The following KDM5B variants were observed in gnomAD, a reference collection of about 807,000 sequenced individuals.
KDM5B encodes the protein lysine-specific demethylase 5B.
In KDM5B, 144 loss-of-function variants were observed where a neutral mutation model predicts 193.4. The ratio of observed to expected loss-of-function variants is 0.74; its 90% confidence interval spans 0.65 to 0.86. KDM5B has a LOEUF of 0.86. Among genes scored for constraint, KDM5B ranks in the 40% least tolerant of loss-of-function variants. KDM5B has a pLI of 0.00. For missense variants in KDM5B, 1,833 were observed against 1,886.9 expected, an observed-to-expected ratio of 0.97 and a Z score of 0.53; for synonymous variants, 668 against 682.6, an observed-to-expected ratio of 0.98 and a Z score of 0.33.
At chr1:202,806,390 G>A (rs1279110959) in intron 1 of KDM5B, 1 of 152,172 alleles carries the variant, frequency 6.6e-6, no homozygotes, top group Non-Finnish European at 1.5e-5. Flanking sequence ...CATTACTACA[G>A]TGTGAAACAT....
chr1:202,799,343 G>C (rs1438336664), intron 1 of KDM5B, among the ~76,000 whole-genome samples: 1 of 152,090 alleles, frequency 6.6e-6, no homozygotes, highest in Non-Finnish European at 1.5e-5. Context: ...TTACATAATA[G>C]AGGAACTGGC....
In KDM5B at chr1:202,760,472, G is replaced by A. The variant is rs1267193565; in HGVS notation, c.1020C>T (p.Ile340=). Residue 340 remains isoleucine, a synonymous_variant, in exon 8 of 27, where the codon ATC becomes ATT. Coordinates refer to ENST00000367265, the MANE Select transcript of KDM5B (RefSeq NM_006618.5). ...CDDSYHTFCL[I]PPLHDVPKGD... is the part of the protein sequence containing the mutation. Reference sequence around the variant, plus strand: ...CCTTGGGAACATCATGGAGAGGTGGGATCAAGCAAAAGGTATGGTAACTGT... The same window carrying A: ...CCTTGGGAACATCATGGAGAGGTGGAATCAAGCAAAAGGTATGGTAACTGT... 23 of 1,613,594 alleles carry A rather than the reference G, an allele frequency of 1.4e-5. No individual in the cohort carries two copies. Among genetic ancestry groups the A allele is most frequent in the Non-Finnish European group, 1.9e-5 (23 of 1,179,806 alleles).
intron 23 of KDM5B, 118 bp from the exon 24 acceptor site, chr1:202,732,057 A>AG (rs772073802): frequency 2.1e-4 from 132 of 636,790 alleles, no homozygotes; most frequent in African/African-American, 6.3e-4. Context: ...AAAAAAAAAA[A>AG]CAACTTGATT....
At chr1:202,739,803 A>C (rs1655236916) in intron 20 of KDM5B, among the ~76,000 whole-genome samples, 1 of 152,228 alleles carries the variant, frequency 6.6e-6, no homozygotes, top group South Asian at 2.1e-4. Flanking sequence ...AAGGTCACCG[A>C]TCAACAGGAT....
In KDM5B at chr1:202,726,636, A is replaced by T. The variant is rs1189843327; in HGVS notation, c.*2400T>A. On this transcript the variant is annotated 3_prime_UTR_variant, in exon 27 of 27. Coordinates refer to ENST00000367265, the MANE Select transcript of KDM5B (RefSeq NM_006618.5). ...GATGGAAACTGAAGTGTCAGTTTCC[A>T]TGTGCATTTTATCATTTTCCCCTAC... 1 of 152,160 alleles carries T rather than the reference A, an allele frequency of 6.6e-6. No individual in the cohort carries two copies. The highest frequency in any genetic ancestry group is 6.6e-5 in the Admixed American group (1 of 15,266). 9.4% of individuals were successfully genotyped at this position (152,160 alleles called of 1,614,324 possible).
At chr1:202,743,361 A>C (rs1231501327) in intron 16 of KDM5B, among the ~76,000 whole-genome samples, 4 of 115,342 alleles carry the variant, frequency 3.5e-5, no homozygotes, top group South Asian at 2.9e-4. Context: ...AAAAAAAAAA[A>C]AAACACCTGG....
At chr1:202,761,326 T>A (rs1312366968) in intron 7 of KDM5B, among the ~76,000 whole-genome samples, 1 of 151,978 alleles carries the variant, frequency 6.6e-6, no homozygotes, top group East Asian at 1.9e-4. Context: ...ACACCTGTGG[T>A]CCCAGCTACT....
chr1:202,779,840 T>TAAAAA (rs1461651907), intron 1 of KDM5B, among the ~76,000 whole-genome samples: 2 of 123,642 alleles, frequency 1.6e-5, no homozygotes, highest in African/African-American at 5.3e-5. Flanking sequence ...AATAAATAAA[T>TAAAAA]AAATAAAAAA....
In KDM5B at chr1:202,733,804, G is replaced by A. The variant is rs148462296; in HGVS notation, c.3506C>T (p.Ser1169Leu). The A allele has an allele frequency of 1.8e-5, 29 of 1,613,956 alleles. No homozygotes were observed. In the Admixed American group the frequency reaches 2.0e-4, roughly 11 times the overall value. Residue 1169 changes from serine (S) to leucine (L), a missense_variant, in exon 23 of 27, where the codon TCG (serine) becomes TTG (leucine). Physicochemically the swap from Ser to Leu is moderately radical, Grantham distance 145 (BLOSUM62 -2). Coordinates refer to ENST00000367265, the MANE Select transcript of KDM5B (RefSeq NM_006618.5). ...LRLANEGKLL[S>L]PLQDVDIKIC... ...TTTTATATCCACATCTTGGAGAGGC[G>A]ACAGCAATTTCCCTTCATTGGCGAG...
At chr1:202,795,355 G>A (rs544005898) in intron 1 of KDM5B, among the ~76,000 whole-genome samples, 2 of 151,886 alleles carry the variant, frequency 1.3e-5, no homozygotes, top group African/African-American at 2.4e-5. Context: ...CTGCAGATAA[G>A]AGGAGACTAC....
At chr1:202,773,093 G>A in intron 4 of KDM5B, 25 bp downstream of exon 4, 1 of 1,530,500 alleles carries the variant, frequency 6.5e-7, no homozygotes, top group Non-Finnish European at 9.0e-7. Context: ...AGATAAAACA[G>A]GTTAAGGCTA....
At position 202,731,864 on chromosome 1, in the gene KDM5B, G is replaced by A. The variant is rs1202225242; in HGVS notation, c.3985C>T (p.Pro1329Ser). The A allele has an allele frequency of 6.2e-7, 1 of 1,613,496 alleles. No homozygotes were observed. The change falls in exon 24 of 27, where the codon CCC becomes TCC. Residue 1329 changes from proline to serine, a missense_variant. Pro to Ser is a moderately conservative substitution (Grantham distance 74, BLOSUM62 -1). Coordinates refer to ENST00000367265, the MANE Select transcript of KDM5B (RefSeq NM_006618.5). The stretch of plus-strand genomic sequence containing the variant: ...ATACAACTTCGTCCAGTTGAGAAGG[G>A]GGAGTGCAAATATGAGGTTCTGTTG... ...WDNRTSYLHS[P>S]FSTGRSCIPL...
At chr1:202,747,533 A>G (rs1381441422) in intron 14 of KDM5B, among the ~76,000 whole-genome samples, 2 of 151,476 alleles carry the variant, frequency 1.3e-5, no homozygotes, top group East Asian at 3.9e-4. Context: ...CAGAGAGCCA[A>G]TATTCCAGGA....
intron 1 of KDM5B, among the ~76,000 whole-genome samples, chr1:202,807,860 ACCCGGCCCT>A (rs901343867): frequency 1.4e-4 from 21 of 151,332 alleles, no homozygotes; most frequent in African/African-American, 5.1e-4. Flanking sequence ...CCCCGCGGCG[ACCCGGCCCT>A]CCCATGGCAC....
chr1:202,731,017 G>A lies in KDM5B; in HGVS notation c.4068C>T (p.Leu1356=), dbSNP rs1378441798. The A allele has an allele frequency of 6.2e-7, 1 of 1,613,686 alleles. No individual in the cohort carries two copies. Among genetic ancestry groups the A allele is most frequent in the African/African-American group, 1.3e-5 (1 of 75,012 alleles). Residue 1356 remains leucine (L), a synonymous_variant, in exon 25 of 27, where the codon CTC becomes CTT. Transcript: ENST00000367265. ...VNELLMEAQL[L]QVSLPEIQEL... is the part of the protein sequence containing the mutation. ...CCTGAATTTCAGGAAGGGATACCTGGAGCAGCTGGGCTTCCATCAATAGTT... is the reference window on the plus strand; with the variant it reads ...CCTGAATTTCAGGAAGGGATACCTGAAGCAGCTGGGCTTCCATCAATAGTT...
chr1:202,749,554 C>T (rs1049029569), intron 13 of KDM5B, among the ~76,000 whole-genome samples: 2 of 151,530 alleles, frequency 1.3e-5, no homozygotes, highest in East Asian at 1.9e-4. Context: ...GAGACTGTCT[C>T]GAAAAAATTT....
At position 202,795,847 on chromosome 1, in the gene KDM5B, A is replaced by G. The variant is rs535114712; in HGVS notation, c.204+12255T>C. Reference sequence around the variant, plus strand: ...TGGTAAATAATAAAATATAGGGAGTAAAATACAGGGAGTCAGTCTTGGTGC... The same window carrying G: ...TGGTAAATAATAAAATATAGGGAGTGAAATACAGGGAGTCAGTCTTGGTGC... On this transcript the variant is annotated intron_variant, in intron 1 of 26. Transcript: ENST00000367265. 4.6e-5 allele frequency among the ~76,000 whole-genome samples: 7 copies of G among 152,238 alleles called. No individual in the cohort carries two copies. The South Asian group carries it at 6.2e-4, about 14-fold the overall frequency.
intron 5 of KDM5B, among the ~76,000 whole-genome samples, chr1:202,765,636 T>A (rs1002394469): frequency 6.6e-6 from 1 of 152,256 alleles, no homozygotes; most frequent in Non-Finnish European, 1.5e-5. Context: ...TATTTTCCTA[T>A]TCTGGGCAGT....
intron 16 of KDM5B, 30 bp downstream of exon 16, chr1:202,745,828 A>G: frequency 6.2e-7 from 1 of 1,613,132 alleles, no homozygotes; most frequent in Non-Finnish European, 8.5e-7. Context: ...CCAATTTGCC[A>G]ATCACCAAGT....
Sources: allele counts gnomAD v4.1 joint callset (sites outside exome capture counted in the v4.1 genomes callset), GRCh38; gene constraint gnomAD v4.1.1; transcripts MANE v1.5; gene names NCBI Gene and HGNC (gene_info 2026-07-23, HGNC 2026-07-21).